CALCRL: variants seen among roughly 807,000 people sequenced by gnomAD.
CALCRL encodes calcitonin receptor like receptor.
A neutral mutation model predicts 60.4 loss-of-function variants in CALCRL; 27 were observed. The observed-to-expected ratio is 0.45, with a 90% CI of 0.33 to 0.62. The LOEUF (loss-of-function observed/expected upper bound fraction) is 0.62. Ranked by LOEUF, CALCRL falls within the 20% of genes least tolerant of loss-of-function variation. The probability of loss-of-function intolerance (pLI) is 0.03; values close to 1 mark genes in which losing one functional copy is unlikely to be tolerated. For synonymous variants in CALCRL, 190 were observed against 182.6 expected, an observed-to-expected ratio of 1.04 and a Z score of -0.33; for missense variants, 424 against 540.7, an observed-to-expected ratio of 0.78 and a Z score of 2.14.
intron 8 of CALCRL, among the ~76,000 whole-genome samples, chr2:187,364,430 T>C (rs1687190620): frequency 6.6e-6 from 1 of 152,080 alleles, no homozygotes; most frequent in Non-Finnish European, 1.5e-5. Flanking sequence ...TGAGGAATTA[T>C]TTCACTACAG....
Position 187,417,059 on chromosome 2 carries a change from G to A in CALCRL, c.-292-29303C>T, listed in dbSNP as rs72904303. On this transcript the variant is annotated intron_variant, in intron 1 of 14. Transcript: ENST00000392370. Reference sequence around the variant, plus strand: ...ATAAATACAATTCTTGACGAATAATGAGGGTGAAGCTCTCTTACTGGAATA... The same window carrying A: ...ATAAATACAATTCTTGACGAATAATAAGGGTGAAGCTCTCTTACTGGAATA... Among the ~76,000 whole-genome samples, 766 of 152,140 alleles carry A rather than the reference G, an allele frequency of 5.0e-3. 8 individuals are homozygous for A. The highest frequency in any genetic ancestry group is 0.012 in the Admixed American group (178 of 15,276).
chr2:187,358,941 G>T, intron 12 of CALCRL, 122 bp downstream of exon 12: 2 of 804,952 alleles, frequency 2.5e-6, no homozygotes, highest in Non-Finnish European at 4.4e-6. Context: ...ATTCATTTAA[G>T]CACTGTGAAC....
intron 7 of CALCRL, 96 bp from the exon 8 acceptor site, chr2:187,379,127 T>C (rs868554887): frequency 1.5e-6 from 1 of 653,388 alleles, no homozygotes; most frequent in Non-Finnish European, 2.8e-6. Context: ...TTGAATAAAC[T>C]ATATTTTTAG....
chr2:187,348,675 G>A (rs1306840654), intron 14 of CALCRL, among the ~76,000 whole-genome samples: 2 of 151,616 alleles, frequency 1.3e-5, no homozygotes, highest in African/African-American at 2.4e-5. Flanking sequence ...TTCATGAACT[G>A]TGAGGTCTTA....
At chr2:187,392,236 A>G (rs1285441198) in intron 1 of CALCRL, among the ~76,000 whole-genome samples, 1 of 152,156 alleles carries the variant, frequency 6.6e-6, no homozygotes, top group Non-Finnish European at 1.5e-5. Flanking sequence ...GAAAAATAAT[A>G]ACCTAATCTT....
chr2:187,359,266 G>T lies in CALCRL; in HGVS notation c.788C>A (p.Pro263Gln). ...MWYYFLGWGF[P>Q]LIPACIHAIA... The stretch of plus-strand genomic sequence containing the variant: ...GGCATGTATACAAGCAGGAATCAGT[G>T]GAAATCCTGTAATAACAAAAAAAAA... The change falls in exon 11 of 15, where the codon CCA becomes CAA. Residue 263 changes from proline to glutamine, a missense_variant. By Grantham distance (76) the Pro-to-Gln change is moderately conservative (BLOSUM62 -1). This residue lies in a region of CALCRL where 222 missense variants were observed against 265.6 expected (regional missense o/e 0.84). Transcript: ENST00000392370. 6.5e-7 allele frequency: 1 copy of T among 1,534,980 alleles called. No homozygotes were observed. The highest frequency in any genetic ancestry group is 8.8e-7 in the Non-Finnish European group (1 of 1,140,086).
chr2:187,363,170 T>C (rs2105734380), intron 9 of CALCRL, among the ~76,000 whole-genome samples: 1 of 152,282 alleles, frequency 6.6e-6, no homozygotes, highest in South Asian at 2.1e-4. Context: ...GAATACTCTG[T>C]AGAGTATATG....
At chr2:187,443,902 A>G (rs987532278) in intron 1 of CALCRL, among the ~76,000 whole-genome samples, 6 of 151,728 alleles carry the variant, frequency 4.0e-5, no homozygotes, top group African/African-American at 1.4e-4. Context: ...CAGTTTAATT[A>G]GTGAATGCGG....
intron 1 of CALCRL, among the ~76,000 whole-genome samples, chr2:187,395,723 C>T (rs1203357130): frequency 1.3e-5 from 2 of 151,896 alleles, no homozygotes; most frequent in Non-Finnish European, 1.5e-5. Context: ...TGATTTCAAA[C>T]ACTCTCCATG....
Position 187,446,813 on chromosome 2 carries a change from G to A in CALCRL, c.-293+1226C>T, listed in dbSNP as rs73981583. ...TTAATTTAAATTTTCATTATATTGA[G>A]GAATTTGTGGAAAAATTGAGTTGTA... On this transcript the variant is annotated intron_variant, in intron 1 of 14. Coordinates refer to ENST00000392370, the MANE Select transcript of CALCRL (RefSeq NM_005795.6). Among the ~76,000 whole-genome samples the A allele has an allele frequency of 9.0e-3, 1,372 of 151,914 alleles. 30 individuals are homozygous for A. Among genetic ancestry groups the A allele is most frequent in the African/African-American group, 0.032 (1,315 of 41,506 alleles).
At chr2:187,439,044 T>C (rs1227019725) in intron 1 of CALCRL, among the ~76,000 whole-genome samples, 1 of 152,222 alleles carries the variant, frequency 6.6e-6, no homozygotes, top group African/African-American at 2.4e-5. Context: ...TTCATTCATT[T>C]ATTCATTTAA....
intron 4 of CALCRL, 29 bp from the exon 5 acceptor site, chr2:187,383,334 A>G (rs1688058383): frequency 6.4e-7 from 1 of 1,566,274 alleles, no homozygotes; most frequent in Non-Finnish European, 8.6e-7. Flanking sequence ...AACAACATCA[A>G]CTTCATGAAA....
chr2:187,430,088 A>G (rs557659916), intron 1 of CALCRL, among the ~76,000 whole-genome samples: 1 of 152,324 alleles, frequency 6.6e-6, no homozygotes, highest in Admixed American at 6.5e-5. Context: ...AAAAACCATC[A>G]GGAAGAAAAA....
intron 1 of CALCRL, among the ~76,000 whole-genome samples, chr2:187,410,896 G>T (rs982495997): frequency 6.6e-6 from 1 of 152,052 alleles, no homozygotes; most frequent in Admixed American, 6.6e-5. Flanking sequence ...GGGGCAGGGG[G>T]CGGGGAGAGG....
intron 1 of CALCRL, among the ~76,000 whole-genome samples, chr2:187,409,934 T>A (rs1246475728): frequency 6.6e-6 from 1 of 152,142 alleles, no homozygotes; most frequent in African/African-American, 2.4e-5. Context: ...GAGAGCTGTG[T>A]CAGGTGAGGC....
chr2:187,439,201 G>A (rs574282218), intron 1 of CALCRL, among the ~76,000 whole-genome samples: 10 of 152,242 alleles, frequency 6.6e-5, no homozygotes, highest in Admixed American at 6.5e-4. Context: ...ATAATAGCAA[G>A]GTTGGGTGCA....
intron 14 of CALCRL, among the ~76,000 whole-genome samples, chr2:187,347,702 G>A (rs1000466660): frequency 6.6e-6 from 1 of 151,500 alleles, no homozygotes; most frequent in Non-Finnish European, 1.5e-5. Context: ...GAAAATAGGT[G>A]TTCCAGGATG....
chr2:187,442,275 C>G (rs1406205363), intron 1 of CALCRL, among the ~76,000 whole-genome samples: 1 of 150,596 alleles, frequency 6.6e-6, no homozygotes, highest in Non-Finnish European at 1.5e-5. Context: ...GGTGTTTAAA[C>G]TGAGAGTTGA....
chr2:187,446,935 G>T (rs888690105), intron 1 of CALCRL, among the ~76,000 whole-genome samples: 14 of 151,862 alleles, frequency 9.2e-5, no homozygotes, highest in African/African-American at 3.1e-4. Context: ...GGACATCTTG[G>T]AAAGTATAAT....
Sources: allele counts gnomAD v4.1 joint callset (sites outside exome capture counted in the v4.1 genomes callset), GRCh38; gene constraint gnomAD v4.1.1; regional missense constraint gnomAD v4.1.1; transcripts MANE v1.5; gene names NCBI Gene and HGNC (gene_info 2026-07-23, HGNC 2026-07-21).